SNX29: variants seen among roughly 807,000 people sequenced by gnomAD.
SNX29 encodes sorting nexin-29.
Under a neutral mutation model 102.1 loss-of-function variants are expected in SNX29, and 78 were observed. The observed-to-expected ratio is 0.76, with a 90% CI of 0.64 to 0.92. SNX29 has a LOEUF of 0.92. Ranked by LOEUF, SNX29 falls within the 40% of genes least tolerant of loss-of-function variation. SNX29 has a pLI of 0.00. For synonymous variants in SNX29, 580 were observed against 414.5 expected, an observed-to-expected ratio of 1.40 and a Z score of -4.85; for missense variants, 1,280 against 1,061.7, an observed-to-expected ratio of 1.21 and a Z score of -2.86.
At chr16:12,174,546 T>C (rs2141780037) in intron 13 of SNX29, among the ~76,000 whole-genome samples, 1 of 152,302 alleles carries the variant, frequency 6.6e-6, no homozygotes, top group Non-Finnish European at 1.5e-5. Context: ...TGCAGCGGCA[T>C]TAGCTCCTTT....
chr16:12,160,213 G>A (rs1596387402), intron 13 of SNX29, among the ~76,000 whole-genome samples: 2 of 152,178 alleles, frequency 1.3e-5, no homozygotes, highest in Admixed American at 1.3e-4. Flanking sequence ...TGGACCCCAC[G>A]AACTGCCTCC....
intron 15 of SNX29, among the ~76,000 whole-genome samples, chr16:12,349,836 G>C (rs2081944833): frequency 6.6e-6 from 1 of 151,950 alleles, no homozygotes; most frequent in South Asian, 2.1e-4. Flanking sequence ...AATTGCTTCA[G>C]ACACAGCACT....
chr16:12,286,231 T>G (rs1043262210), intron 15 of SNX29, among the ~76,000 whole-genome samples: 1 of 151,278 alleles, frequency 6.6e-6, no homozygotes. Flanking sequence ...CAAAATGGAG[T>G]GTTTAAGTGT....
intron 14 of SNX29, among the ~76,000 whole-genome samples, chr16:12,239,899 T>C (rs936375932): frequency 1.3e-5 from 2 of 152,002 alleles, no homozygotes; most frequent in Middle Eastern, 3.2e-3. Context: ...AAAAGAAAAA[T>C]CACTTGTAAT....
chr16:12,483,933 G>A (rs2088098568), intron 19 of SNX29, among the ~76,000 whole-genome samples: 2 of 152,222 alleles, frequency 1.3e-5, no homozygotes, highest in Admixed American at 1.3e-4. Flanking sequence ...TAATGCCCAG[G>A]GAGCAAAGGA....
At chr16:12,072,270 T>A (rs954849830) in intron 10 of SNX29, among the ~76,000 whole-genome samples, 12 of 152,278 alleles carry the variant, frequency 7.9e-5, no homozygotes, top group African/African-American at 2.9e-4. Context: ...ATGCTTTCAG[T>A]TTTTGCCCAT....
chr16:12,391,753 C>G (rs528744047), intron 16 of SNX29, among the ~76,000 whole-genome samples: 3 of 152,328 alleles, frequency 2.0e-5, no homozygotes, highest in Non-Finnish European at 4.4e-5. Context: ...ACTTTACCAT[C>G]GCCCCAGAAT....
At chr16:12,537,270 G>A (rs1015735561) in intron 20 of SNX29, among the ~76,000 whole-genome samples, 1 of 152,288 alleles carries the variant, frequency 6.6e-6, no homozygotes, top group Non-Finnish European at 1.5e-5. Flanking sequence ...TTTCACCTCA[G>A]GAAACTGGTT....
intron 18 of SNX29, among the ~76,000 whole-genome samples, chr16:12,447,093 GGA>G (rs2086092281): frequency 7.0e-6 from 1 of 142,944 alleles, no homozygotes; most frequent in African/African-American, 2.5e-5. Flanking sequence ...CTTGAAGTTG[GGA>G]GGTGGAGGTT....
chr16:12,027,743 G>T, intron 4 of SNX29: 1 of 204,094 alleles, frequency 4.9e-6, no homozygotes, highest in Admixed American at 5.6e-5. Context: ...CAGTTGCTGG[G>T]AAATTAATAA....
At chr16:12,324,500 C>T (rs1409234158) in intron 15 of SNX29, among the ~76,000 whole-genome samples, 2 of 152,050 alleles carry the variant, frequency 1.3e-5, no homozygotes, top group African/African-American at 2.4e-5. Flanking sequence ...TCTCAAATTC[C>T]TGGGCTCAGG....
intron 17 of SNX29, 104 bp from the exon 18 acceptor site, chr16:12,403,344 A>G: frequency 8.6e-7 from 1 of 1,158,880 alleles, no homozygotes. Flanking sequence ...CTTGTGCATA[A>G]TACCTCTTGG....
chr16:12,021,647 G>A (rs140974708), intron 3 of SNX29, among the ~76,000 whole-genome samples: 11 of 152,108 alleles, frequency 7.2e-5, no homozygotes, highest in African/African-American at 2.2e-4. Context: ...TAGCACTTTG[G>A]GGGGCCAAGG....
At chr16:12,128,574 C>A (rs988241892) in intron 12 of SNX29, among the ~76,000 whole-genome samples, 1 of 151,680 alleles carries the variant, frequency 6.6e-6, no homozygotes, top group Admixed American at 6.6e-5. Flanking sequence ...TGCCTCAGCC[C>A]CCCGAATAGC....
chr16:12,445,709 CA>C (rs2086017765), intron 18 of SNX29, among the ~76,000 whole-genome samples: 1 of 152,224 alleles, frequency 6.6e-6, no homozygotes, highest in South Asian at 2.1e-4. Context: ...GCTTCCTCTC[CA>C]ACCTCACAAG....
chr16:12,060,728 C>G (rs2050738007), intron 8 of SNX29: 1 of 455,334 alleles, frequency 2.2e-6, no homozygotes, highest in Non-Finnish European at 4.4e-6. Flanking sequence ...TATTTATTAA[C>G]ATTTCTTGAT....
chr16:12,368,011 C>T (rs4781214), intron 16 of SNX29, among the ~76,000 whole-genome samples: 62,151 of 152,158 alleles, frequency 0.41, 14,132 homozygotes, highest in Non-Finnish European at 0.54. Flanking sequence ...TGACCATGGC[C>T]AAATACCCCA....
chr16:12,565,501 G>A (rs149198486), intron 20 of SNX29, among the ~76,000 whole-genome samples: 15 of 152,222 alleles, frequency 9.9e-5, no homozygotes, highest in African/African-American at 3.1e-4. Context: ...CCAAGCCTGT[G>A]TCCCGAGACA....
At chr16:12,273,816 C>T (rs1488196858) in intron 14 of SNX29, among the ~76,000 whole-genome samples, 1 of 152,200 alleles carries the variant, frequency 6.6e-6, no homozygotes, top group African/African-American at 2.4e-5. Flanking sequence ...CTGGACATTT[C>T]GTGTACGTGG....
Sources: gnomAD v4.1 joint callset for allele counts (sites outside exome capture counted in the v4.1 genomes callset) on GRCh38, gnomAD v4.1.1 for gene constraint, MANE v1.5 for transcripts, NCBI Gene and HGNC (gene_info 2026-07-23, HGNC 2026-07-21) for gene names.